Variants in PPARGC1B observed in about 807,000 individuals in gnomAD.
The protein encoded by PPARGC1B is PPARG coactivator 1 beta, also known as peroxisome proliferator-activated receptor gamma coactivator 1-beta.
A neutral mutation model predicts 101.6 loss-of-function variants in PPARGC1B; 34 were observed. That is an observed-to-expected ratio of 0.33 (90% CI 0.25 to 0.45). The LOEUF (loss-of-function observed/expected upper bound fraction) is 0.45, where lower values mean the gene tolerates loss of function less well. Among genes scored for constraint, PPARGC1B ranks in the 20% least tolerant of loss-of-function variants. The pLI is 1.00. For synonymous variants in PPARGC1B, 548 were observed against 539.3 expected, an observed-to-expected ratio of 1.02 and a Z score of -0.22; for missense variants, 1,234 against 1,317.6, an observed-to-expected ratio of 0.94 and a Z score of 0.98.
intron 2 of PPARGC1B, among the ~76,000 whole-genome samples, chr5:149,822,332 C>T (rs891323314): frequency 2.0e-5 from 3 of 152,182 alleles, no homozygotes; most frequent in Admixed American, 6.5e-5. Context: ...TGGTGCGGCC[C>T]CAGTCCTGCA....
intron 8 of PPARGC1B, among the ~76,000 whole-genome samples, chr5:149,838,796 C>T (rs1259459278): frequency 6.6e-6 from 1 of 152,210 alleles, no homozygotes; most frequent in African/African-American, 2.4e-5. Context: ...GCTCAGCTAC[C>T]TGGCTGAGCT....
chr5:149,845,961 G>A (rs767876851), intron 11 of PPARGC1B, 47 bp downstream of exon 11: 19 of 1,611,950 alleles, frequency 1.2e-5, no homozygotes, highest in Non-Finnish European at 1.6e-5. Flanking sequence ...TCAAAGCTTG[G>A]GAAGCAGTGC....
chr5:149,799,977 G>A (rs1484808595), intron 1 of PPARGC1B, among the ~76,000 whole-genome samples: 1 of 152,082 alleles, frequency 6.6e-6, no homozygotes, highest in Non-Finnish European at 1.5e-5. Flanking sequence ...GGGATTACAG[G>A]TGTGAGCCAT....
At chr5:149,771,880 A>G (rs1047211685) in intron 1 of PPARGC1B, 5 of 674,708 alleles carry the variant, frequency 7.4e-6, no homozygotes, top group African/African-American at 1.9e-5. Context: ...ACCATGGCCA[A>G]TTTCATCCTG....
intron 1 of PPARGC1B, among the ~76,000 whole-genome samples, chr5:149,783,598 A>G (rs1756673920): frequency 6.6e-6 from 1 of 152,174 alleles, no homozygotes; most frequent in South Asian, 2.1e-4. Context: ...GTGTGGTAGG[A>G]GAGCCCCAGG....
Position 149,845,773 on chromosome 5 carries a change from G to A in PPARGC1B, c.2830G>A (p.Gly944Ser), listed in dbSNP as rs193283098. The A allele has an allele frequency of 2.5e-5, 41 of 1,610,962 alleles. No individual in the cohort carries two copies. The highest frequency in any genetic ancestry group is 2.5e-4 in the East Asian group (11 of 44,756). ...LTRNRRGEKY[G>S]FITYRCSEHA... ...CCCTCCCCGCAGAGGCGAGAAGTAC[G>A]GCTTCATCACCTACCGGTGTTCTGA... Residue 944 changes from glycine (G) to serine (S), a missense_variant, in exon 11 of 12, where the codon GGC becomes AGC. By Grantham distance (56) the Gly-to-Ser change is moderately conservative (BLOSUM62 0). Coordinates refer to ENST00000309241, the MANE Select transcript of PPARGC1B (RefSeq NM_133263.4).
chr5:149,855,590 G>A (rs2113475364), downstream of PPARGC1B, among the ~76,000 whole-genome samples: 1 of 152,322 alleles, frequency 6.6e-6, no homozygotes, highest in East Asian at 1.9e-4. Context: ...TGCATTGTGT[G>A]CGGTAATTGA....
chr5:149,773,438 T>G (rs1756225448), intron 1 of PPARGC1B, among the ~76,000 whole-genome samples: 1 of 152,202 alleles, frequency 6.6e-6, no homozygotes, highest in African/African-American at 2.4e-5. Context: ...CACCTGCGGC[T>G]CCTGCTCTGC....
chr5:149,764,677 A>G (rs1205964403), intron 1 of PPARGC1B, among the ~76,000 whole-genome samples: 1 of 152,266 alleles, frequency 6.6e-6, no homozygotes, highest in Non-Finnish European at 1.5e-5. Flanking sequence ...TTTCATTTTA[A>G]TAACTTATTT....
At position 149,826,736 on chromosome 5, in the gene PPARGC1B, G is replaced by A. The variant is rs545702255; in HGVS notation, c.316G>A (p.Asp106Asn). 5.3e-5 allele frequency: 85 copies of A among 1,614,050 alleles called. No homozygotes were observed. The highest frequency in any genetic ancestry group is 3.8e-4 in the Admixed American group (23 of 60,014). ...CAAGACCCTGGATGACATCCCTGAA[G>A]ATGACGTGGGTCTGGCTGCCTTCCC... ...LTKTLDDIPEDDVGLAAFPAL... is the reference protein window; with the variant it reads ...LTKTLDDIPENDVGLAAFPAL... The change falls in exon 3 of 12, where the codon GAT becomes AAT. Residue 106 changes from aspartate to asparagine, a missense_variant. Asp to Asn is a conservative substitution (Grantham distance 23). Coordinates refer to ENST00000309241, the MANE Select transcript of PPARGC1B (RefSeq NM_133263.4).
chr5:149,824,236 G>A (rs1758416532), intron 2 of PPARGC1B, among the ~76,000 whole-genome samples: 1 of 152,008 alleles, frequency 6.6e-6, no homozygotes, highest in Non-Finnish European at 1.5e-5. Flanking sequence ...TGGGCCCTTG[G>A]TACTCTCCCT....
intron 1 of PPARGC1B, chr5:149,817,558 A>G (rs1758108480): frequency 5.7e-6 from 2 of 352,428 alleles, no homozygotes; most frequent in Non-Finnish European, 1.1e-5. Context: ...TTTCTCCTTC[A>G]TAGCACTAAC....
chr5:149,820,445 G>C lies in PPARGC1B; in HGVS notation c.91G>C (p.Gly31Arg), dbSNP rs45518035. 6.2e-7 allele frequency: 1 copy of C among 1,613,718 alleles called. No homozygotes were observed. Among genetic ancestry groups the C allele is most frequent in the East Asian group, 2.2e-5 (1 of 44,860 alleles). ...YLADTQGGGS[G>R]EEQLYADFPE... The stretch of plus-strand genomic sequence containing the variant: ...CCTGTCTCCTCAGGGTGGAGGGTCC[G>C]GGGAGGAGCAACTCTATGCTGACTT... Residue 31 changes from glycine to arginine, a missense_variant, in exon 2 of 12, where the codon GGG becomes CGG. Physicochemically the swap from Gly to Arg is moderately radical, Grantham distance 125 (BLOSUM62 -2). Coordinates refer to ENST00000309241, the MANE Select transcript of PPARGC1B (RefSeq NM_133263.4).
At chr5:149,768,641 G>A (rs1232708571) in intron 1 of PPARGC1B, among the ~76,000 whole-genome samples, 2 of 122,064 alleles carry the variant, frequency 1.6e-5, no homozygotes, top group African/African-American at 5.2e-5. Flanking sequence ...TCAGCCTCCT[G>A]AGTAGCTGAG....
At chr5:149,822,824 A>T (rs1758357941) in intron 2 of PPARGC1B, among the ~76,000 whole-genome samples, 2 of 152,140 alleles carry the variant, frequency 1.3e-5, no homozygotes, top group Admixed American at 1.3e-4. Flanking sequence ...GAACTGATTA[A>T]ACTGACCCAT....
chr5:149,734,200 T>G (rs2113060699), intron 1 of PPARGC1B, among the ~76,000 whole-genome samples: 1 of 147,896 alleles, frequency 6.8e-6, no homozygotes, highest in East Asian at 2.0e-4. Context: ...CACACACCTG[T>G]AATCCCAGCT....
At chr5:149,803,485 G>A (rs1178056183) in intron 1 of PPARGC1B, among the ~76,000 whole-genome samples, 2 of 152,168 alleles carry the variant, frequency 1.3e-5, no homozygotes, top group Non-Finnish European at 2.9e-5. Context: ...ACCTAGTAGG[G>A]CAGGAAAGTG....
At chr5:149,777,826 C>CACACACACACACACACAG (rs1305577059) in intron 1 of PPARGC1B, among the ~76,000 whole-genome samples, 1 of 115,720 alleles carries the variant, frequency 8.6e-6, no homozygotes, top group East Asian at 3.0e-4. Context: ...CACACACACA[C>CACACACACACACACACAG]AGTATCCGGC....
intron 1 of PPARGC1B, among the ~76,000 whole-genome samples, chr5:149,778,713 C>T (rs1441260665): frequency 6.6e-6 from 1 of 152,184 alleles, no homozygotes; most frequent in African/African-American, 2.4e-5. Context: ...CCTTCCTGCC[C>T]AAGCTCCCCT....
Sources: gnomAD v4.1 joint callset for allele counts (sites outside exome capture counted in the v4.1 genomes callset) on GRCh38, gnomAD v4.1.1 for gene constraint, MANE v1.5 for transcripts, NCBI Gene and HGNC (gene_info 2026-07-23, HGNC 2026-07-21) for gene names.